PPP1R9A: variants seen among roughly 807,000 people sequenced by gnomAD.
The protein encoded by PPP1R9A is neurabin-1.
PPP1R9A carries 59 observed loss-of-function variants against 141.9 expected under a neutral mutation model. The ratio of observed to expected loss-of-function variants is 0.42; its 90% CI spans 0.34 to 0.52. The LOEUF (loss-of-function observed/expected upper bound fraction) is 0.52. Among genes scored for constraint, PPP1R9A ranks in the 20% least tolerant of loss-of-function variants. The probability of loss-of-function intolerance (pLI) is 0.10; values close to 1 mark genes in which losing one functional copy is unlikely to be tolerated. For missense variants in PPP1R9A, 1,444 were observed against 1,611.9 expected (o/e 0.90, Z 1.78); for synonymous variants, 500 against 569.7 (o/e 0.88, Z 1.74).
chr7:95,024,561 G>A lies in PPP1R9A; in HGVS notation c.1396-86698G>A, dbSNP rs191392287. Among the ~76,000 whole-genome samples, 92 of 151,992 alleles carry A rather than the reference G, an allele frequency of 6.1e-4. 4 individuals carry two copies. The highest frequency in any genetic ancestry group is 5.6e-3 in the Admixed American group (85 of 15,266). On this transcript the variant is annotated intron_variant, in intron 2 of 19. Coordinates refer to ENST00000433360, the MANE Select transcript of PPP1R9A (RefSeq NM_001166160.2). ...TCTTTGTCTCATTTGATCTTTGTTGGTTTAAAGTCTGTTTTCTCTTAGAGT... is the reference window on the plus strand; with the variant it reads ...TCTTTGTCTCATTTGATCTTTGTTGATTTAAAGTCTGTTTTCTCTTAGAGT...
intron 2 of PPP1R9A, among the ~76,000 whole-genome samples, chr7:95,103,022 G>T (rs1414106513): frequency 1.3e-5 from 2 of 152,086 alleles, no homozygotes; most frequent in East Asian, 3.9e-4. Flanking sequence ...ATTCATTGAA[G>T]ACCTTCATAG....
intron 2 of PPP1R9A, among the ~76,000 whole-genome samples, chr7:94,973,219 T>G (rs560356662): frequency 6.6e-6 from 1 of 152,136 alleles, no homozygotes; most frequent in Non-Finnish European, 1.5e-5. Flanking sequence ...AAATAATGTG[T>G]TTTTATATTT....
At chr7:95,237,655 T>C (rs1369904719) in intron 8 of PPP1R9A, among the ~76,000 whole-genome samples, 1 of 152,138 alleles carries the variant, frequency 6.6e-6, no homozygotes, top group African/African-American at 2.4e-5. Flanking sequence ...ATCCTACCAG[T>C]GGTAGTTTTA....
chr7:95,282,938 A>G (rs991620218), intron 16 of PPP1R9A, among the ~76,000 whole-genome samples: 3 of 152,234 alleles, frequency 2.0e-5, no homozygotes, highest in Non-Finnish European at 2.9e-5. Flanking sequence ...ATTTCAAAAT[A>G]TATTTGAAAT....
chr7:95,088,046 G>T (rs115592737), intron 2 of PPP1R9A, among the ~76,000 whole-genome samples: 1 of 151,866 alleles, frequency 6.6e-6, no homozygotes, highest in African/African-American at 2.4e-5. Context: ...ATAAAATCTT[G>T]CAAGATACAC....
At chr7:95,255,476 A>G (rs1799444242) in intron 12 of PPP1R9A, among the ~76,000 whole-genome samples, 1 of 152,130 alleles carries the variant, frequency 6.6e-6, no homozygotes, top group Admixed American at 6.6e-5. Context: ...GATCAGGAGT[A>G]AGTGTGATAT....
At chr7:94,928,889 G>A (rs989338407) in intron 2 of PPP1R9A, among the ~76,000 whole-genome samples, 14 of 152,150 alleles carry the variant, frequency 9.2e-5, no homozygotes, top group Admixed American at 2.6e-4. Flanking sequence ...TATTTTGTGA[G>A]TGTCTTCAAG....
At chr7:95,258,918 A>C (rs1329008517) in intron 12 of PPP1R9A, among the ~76,000 whole-genome samples, 1 of 152,148 alleles carries the variant, frequency 6.6e-6, no homozygotes, top group African/African-American at 2.4e-5. Flanking sequence ...TGGCCCGACA[A>C]ATTTACTTCG....
At chr7:95,215,663 T>A (rs1793208255) in intron 7 of PPP1R9A, among the ~76,000 whole-genome samples, 1 of 152,224 alleles carries the variant, frequency 6.6e-6, no homozygotes. Flanking sequence ...TGATCGCCAT[T>A]CTAACTGGCA....
At chr7:95,099,369 C>T (rs1162794647) in intron 2 of PPP1R9A, among the ~76,000 whole-genome samples, 1 of 152,138 alleles carries the variant, frequency 6.6e-6, no homozygotes, top group Non-Finnish European at 1.5e-5. Flanking sequence ...TGCTGGCCAC[C>T]AGTTGTCAGT....
At chr7:95,084,383 T>A (rs1816324757) in intron 2 of PPP1R9A, among the ~76,000 whole-genome samples, 1 of 152,034 alleles carries the variant, frequency 6.6e-6, no homozygotes. Flanking sequence ...TTTTGCCAAG[T>A]TTTATCTTTA....
chr7:95,250,617 T>A (rs1438362702), intron 10 of PPP1R9A, among the ~76,000 whole-genome samples: 3 of 152,210 alleles, frequency 2.0e-5, no homozygotes, highest in African/African-American at 7.2e-5. Context: ...GACTATTGGA[T>A]GTGGAGCACG....
intron 4 of PPP1R9A, among the ~76,000 whole-genome samples, chr7:95,130,723 C>T (rs991264459): frequency 1.3e-5 from 2 of 152,146 alleles, no homozygotes; most frequent in African/African-American, 4.8e-5. Flanking sequence ...GAACCCACCT[C>T]TTATATCATG....
At chr7:95,159,327 G>A (rs912040585) in intron 4 of PPP1R9A, among the ~76,000 whole-genome samples, 1 of 152,066 alleles carries the variant, frequency 6.6e-6, no homozygotes, top group African/African-American at 2.4e-5. Flanking sequence ...GAAAATAAAC[G>A]ATTGTATGTA....
intron 5 of PPP1R9A, among the ~76,000 whole-genome samples, chr7:95,176,758 T>C (rs1832969061): frequency 6.6e-6 from 1 of 152,022 alleles, no homozygotes; most frequent in African/African-American, 2.4e-5. Context: ...ATTGAACAAG[T>C]AGAAGAAATT....
chr7:95,244,926 A>G (rs184843636), intron 8 of PPP1R9A, among the ~76,000 whole-genome samples: 77 of 152,328 alleles, frequency 5.1e-4, no homozygotes, highest in African/African-American at 1.7e-3. Flanking sequence ...ACAGGCAAGG[A>G]AAGTGAAATG....
chr7:95,180,712 G>A (rs1461055566), intron 5 of PPP1R9A, among the ~76,000 whole-genome samples: 1 of 151,764 alleles, frequency 6.6e-6, no homozygotes, highest in Non-Finnish European at 1.5e-5. Flanking sequence ...GTGGGCTAAG[G>A]ACATACACAG....
At position 95,218,704 on chromosome 7, in the gene PPP1R9A, T is replaced by C. The variant is rs373349613; in HGVS notation, c.1957-7257T>C. On this transcript the variant is annotated intron_variant, in intron 7 of 19. Coordinates refer to ENST00000433360, the MANE Select transcript of PPP1R9A (RefSeq NM_001166160.2). ...TAGTTAGCTCTTCTTGTTGAATTGA[T>C]CCCTTTACCATTATGTAATGGCCTT... 7.4e-4 allele frequency among the ~76,000 whole-genome samples: 112 copies of C among 152,346 alleles called. No homozygotes were observed. In the East Asian group the frequency reaches 0.019, roughly 25 times the overall value.
In PPP1R9A at chr7:94,948,335, A is replaced by G. The variant is rs1033182653; in HGVS notation, c.1395+36827A>G. On this transcript the variant is annotated intron_variant, in intron 2 of 19. Coordinates refer to ENST00000433360, the MANE Select transcript of PPP1R9A (RefSeq NM_001166160.2). ...AACTCTAACCACTTTTACTTTATTT[A>G]CCATAATGGGGTGGTTTTGTTTTTA... Among the ~76,000 whole-genome samples the G allele has an allele frequency of 5.3e-5, 8 of 152,130 alleles. 1 individual carries two copies. Among genetic ancestry groups the G allele is most frequent in the Admixed American group, 5.2e-4 (8 of 15,268 alleles).
Sources: allele counts gnomAD v4.1 joint callset (sites outside exome capture counted in the v4.1 genomes callset), GRCh38; gene constraint gnomAD v4.1.1; transcripts MANE v1.5; gene names NCBI Gene and HGNC (gene_info 2026-07-23, HGNC 2026-07-21).